Variants in IGHMBP2 observed in about 807,000 individuals in gnomAD.
IGHMBP2 encodes DNA-binding protein SMUBP-2.
In IGHMBP2, 81 loss-of-function variants were observed where a neutral mutation model predicts 96.0. The ratio of observed to expected loss-of-function variants is 0.84; its 90% CI spans 0.71 to 1.01. The LOEUF (loss-of-function observed/expected upper bound fraction) is 1.01, where lower values mean the gene tolerates loss of function less well. Ranked by LOEUF, IGHMBP2 falls within the 50% of genes least tolerant of loss-of-function variation. The pLI is 0.00. For synonymous variants in IGHMBP2, 557 were observed against 548.9 expected (o/e 1.01, Z -0.21); for missense variants, 1,227 against 1,306.3 (o/e 0.94, Z 0.94).
In IGHMBP2 at chr11:68,934,562, C is replaced by A; in HGVS notation, c.1632+4C>A. The A allele has an allele frequency of 6.2e-7, 1 of 1,602,656 alleles. No individual in the cohort carries two copies. Among genetic ancestry groups the A allele is most frequent in the Non-Finnish European group, 8.5e-7 (1 of 1,172,168 alleles). ...GGTCTCGCCATACAACCTCCAGGTA[C>A]GAGGGTTTCCTTTTGTCCCTCTACA... On this transcript the variant is annotated splice_donor_region_variant and intron_variant, in intron 11 of 14. Transcript: ENST00000255078.
In IGHMBP2 at chr11:68,933,805, GGT is replaced by G; in HGVS notation, c.1433_1434del (p.Val478GlyfsTer22). 6.2e-7 allele frequency: 1 copy of G among 1,612,410 alleles called. No homozygotes were observed. Among genetic ancestry groups the G allele is most frequent in the Non-Finnish European group, 8.5e-7 (1 of 1,179,406 alleles). ...CTGCCTGTGTGCCAGGGACCTCCCA[GGT>G]GTGGCTGCCACAGAAGAGACGGGTG... ...VARHLLRDLPGVAATEETGVP... is the reference protein window; with the variant it reads ...VARHLLRDLPXVAATEETGVP... On this transcript the variant is annotated frameshift_variant, in exon 10 of 15. Coordinates refer to ENST00000255078, the MANE Select transcript of IGHMBP2 (RefSeq NM_002180.3). LOFTEE classifies it high-confidence loss of function.
chr11:68,931,838 C>G (rs184157892), intron 8 of IGHMBP2, among the ~76,000 whole-genome samples: 1 of 152,056 alleles, frequency 6.6e-6, no homozygotes, highest in African/African-American at 2.4e-5. Context: ...GAACTGTGCC[C>G]TTGAGCAGGG....
In IGHMBP2 at chr11:68,908,389, A is replaced by T. The variant is rs1372113612; in HGVS notation, c.449+52A>T. On this transcript the variant is annotated intron_variant, in intron 3 of 14. Transcript: ENST00000255078. ...AGTACCATCTTCCTTCAACACAGCT[A>T]ATCCATTCTTACATGCCTGTCGCAC... The T allele has an allele frequency of 9.6e-6, 15 of 1,558,294 alleles. No individual in the cohort carries two copies. In the South Asian group the frequency reaches 1.7e-4, roughly 17 times the overall value.
chr11:68,907,276 A>G (rs561898919), intron 2 of IGHMBP2, among the ~76,000 whole-genome samples: 1 of 152,276 alleles, frequency 6.6e-6, no homozygotes, highest in Non-Finnish European at 1.5e-5. Context: ...GACAAAAACA[A>G]AAGAAAAACT....
In IGHMBP2 at chr11:68,929,319, C is replaced by T. The variant is rs377631839; in HGVS notation, c.1197C>T (p.Gly399=). The stretch of plus-strand genomic sequence containing the variant: ...AGGCCAGAAAGTGCATCCTGGCGGG[C>T]GATCACAAGCAGCTGCCCCCCACCA... ...LLKARKCILA[G]DHKQLPPTTV... is the part of the protein sequence containing the mutation. The change falls in exon 8 of 15, where the codon GGC becomes GGT. Residue 399 remains glycine, a synonymous_variant. Coordinates refer to ENST00000255078, the MANE Select transcript of IGHMBP2 (RefSeq NM_002180.3). 4.0e-5 allele frequency: 64 copies of T among 1,613,450 alleles called. No individual in the cohort carries two copies. The highest frequency in any genetic ancestry group is 1.9e-4 in the South Asian group (17 of 91,076).
chr11:68,925,667 C>T (rs1315655083), intron 7 of IGHMBP2, among the ~76,000 whole-genome samples: 1 of 152,192 alleles, frequency 6.6e-6, no homozygotes, highest in African/African-American at 2.4e-5. Flanking sequence ...TCTCTAAGCT[C>T]ATCTTTATCT....
Position 68,936,424 on chromosome 11 carries a change from A to C in IGHMBP2, c.1944A>C (p.Pro648=). 1 of 1,614,160 alleles carries C rather than the reference A, an allele frequency of 6.2e-7. No homozygotes were observed. The change falls in exon 13 of 15, where the codon CCA becomes CCC. Residue 648 remains proline (P), a synonymous_variant. Coordinates refer to ENST00000255078, the MANE Select transcript of IGHMBP2 (RefSeq NM_002180.3). ...TTGAGTATCTTGACGATATTGTCCC[A>C]GAAAACTATTCCCATGAGAACTCCC... The part of the protein sequence containing the change: ...TAFEYLDDIV[P]ENYSHENSQG...
chr11:68,915,674 G>C (rs1858634768), intron 6 of IGHMBP2, among the ~76,000 whole-genome samples: 1 of 151,238 alleles, frequency 6.6e-6, no homozygotes, highest in South Asian at 2.1e-4. Flanking sequence ...GTAGAGACGG[G>C]GGTTTCGCCA....
intron 8 of IGHMBP2, chr11:68,930,080 G>C (rs898783837): frequency 8.6e-7 from 1 of 1,166,850 alleles, no homozygotes. Flanking sequence ...TGTGGCGGGC[G>C]TGCCCTCTCT....
rs995427988 is a variant in IGHMBP2, at chr11:68,940,400, T to C, written c.*669T>C. On this transcript the variant is annotated 3_prime_UTR_variant, in exon 15 of 15. Coordinates refer to ENST00000255078, the MANE Select transcript of IGHMBP2 (RefSeq NM_002180.3). ...CACCGTGGGGACCAGGTGAGCCGGC[T>C]CTCCCACGTGGTTGTCCCGGGAAAG... The C allele has an allele frequency of 6.6e-6, 1 of 152,140 alleles. No individual in the cohort carries two copies. Among genetic ancestry groups the C allele is most frequent in the Non-Finnish European group, 1.5e-5 (1 of 68,184 alleles). The allele number at this position is 152,140 out of a possible 1,614,324, so 9.4% of individuals were successfully genotyped here.
chr11:68,925,086 T>C (rs773967808), intron 7 of IGHMBP2, among the ~76,000 whole-genome samples: 24 of 151,702 alleles, frequency 1.6e-4, no homozygotes, highest in Non-Finnish European at 2.1e-4. Flanking sequence ...TGCCTTAGAG[T>C]CTGTTTGCCA....
At chr11:68,911,695 T>A in intron 5 of IGHMBP2, 92 bp downstream of exon 5, 1 of 1,188,340 alleles carries the variant, frequency 8.4e-7, no homozygotes. Flanking sequence ...GCCTCAGTTC[T>A]GGTGGGATGG....
rs532598912 is a variant in IGHMBP2 at position 68,926,882 on chromosome 11, T to C, written c.1061-2301T>C. On this transcript the variant is annotated intron_variant, in intron 7 of 14. Transcript: ENST00000255078. ...CTAGGTTCAAGCGATTCTCCTGCCT[T>C]AGCCTCCTGAGTAGCTGGGATTACA... 2.4e-4 allele frequency among the ~76,000 whole-genome samples: 37 copies of C among 151,832 alleles called. No individual in the cohort carries two copies. The East Asian group carries it at 6.6e-3, about 27-fold the overall frequency.
intron 7 of IGHMBP2, among the ~76,000 whole-genome samples, chr11:68,919,749 T>C (rs1282404678): frequency 6.6e-6 from 1 of 152,226 alleles, no homozygotes; most frequent in Non-Finnish European, 1.5e-5. Flanking sequence ...GAAACTCTTT[T>C]ACTGGGGTCA....
At chr11:68,926,692 G>T (rs977901671) in intron 7 of IGHMBP2, among the ~76,000 whole-genome samples, 3 of 152,080 alleles carry the variant, frequency 2.0e-5, no homozygotes, top group Admixed American at 6.6e-5. Flanking sequence ...AACATACTTA[G>T]AATCGCTGAT....
intron 7 of IGHMBP2, among the ~76,000 whole-genome samples, chr11:68,925,430 T>A (rs1482537826): frequency 6.6e-6 from 1 of 152,102 alleles, no homozygotes; most frequent in Non-Finnish European, 1.5e-5. Flanking sequence ...ATTACAGGAG[T>A]GAGCCACCAC....
chr11:68,934,479 T>C lies in IGHMBP2; in HGVS notation c.1553T>C (p.Val518Ala). 6.2e-7 allele frequency: 1 copy of C among 1,610,862 alleles called. No individual in the cohort carries two copies. The highest frequency in any genetic ancestry group is 8.5e-7 in the Non-Finnish European group (1 of 1,178,414). The change falls in exon 11 of 15, where the codon GTC (valine) becomes GCC (alanine). Residue 518 changes from valine (V) to alanine (A), a missense_variant. Val to Ala is a moderately conservative substitution (Grantham distance 64). Coordinates refer to ENST00000255078, the MANE Select transcript of IGHMBP2 (RefSeq NM_002180.3). ...TTCCCTCCAGGCGAAGTCCGCCTCG[T>C]CAGTTTGCACATCCAGGCTCTGGTG... ...SKGNPGEVRL[V>A]SLHIQALVDA...
At chr11:68,916,638 G>A (rs890612536) in intron 6 of IGHMBP2, among the ~76,000 whole-genome samples, 28 of 151,832 alleles carry the variant, frequency 1.8e-4, no homozygotes, top group Admixed American at 7.9e-4. Context: ...TCCTAACCTC[G>A]GAGGAGTGGC....
In IGHMBP2 at chr11:68,906,171, G is replaced by C. The variant is rs1343388202; in HGVS notation, c.189G>C (p.Leu63=). 3 of 1,614,074 alleles carry C rather than the reference G, an allele frequency of 1.9e-6. No homozygotes were observed. Among genetic ancestry groups the C allele is most frequent in the Non-Finnish European group, 2.5e-6 (3 of 1,180,042 alleles). Residue 63 remains leucine, a synonymous_variant, in exon 2 of 15, where the codon CTG becomes CTC. Transcript: ENST00000255078. ...SSQRTGLYGR[L]LVTFEPRRYG... ...AGCGCACTGGGCTGTACGGACGGCT[G>C]CTGGTCACCTTTGAGCCCAGGCGAT...
Sources: gnomAD v4.1 joint callset for allele counts (sites outside exome capture counted in the v4.1 genomes callset) on GRCh38, gnomAD v4.1.1 for gene constraint, MANE v1.5 for transcripts, NCBI Gene and HGNC (gene_info 2026-07-23, HGNC 2026-07-21) for gene names.